The following TMCC1 variants were observed in gnomAD, a reference collection of about 807,000 sequenced individuals.
TMCC1 encodes the protein transmembrane and coiled-coil domain family 1.
Under a neutral mutation model 52.4 loss-of-function variants are expected in TMCC1, and 15 were observed. That is an observed-to-expected ratio of 0.29 (90% CI 0.19 to 0.44). The LOEUF (loss-of-function observed/expected upper bound fraction) is 0.44. Ranked by LOEUF, TMCC1 falls within the 20% of genes least tolerant of loss-of-function variation. The pLI, the probability that TMCC1 is intolerant of heterozygous loss-of-function variation, is 1.00. For synonymous variants in TMCC1, 279 were observed against 301.9 expected (o/e 0.92, Z 0.79); for missense variants, 503 against 806.0 (o/e 0.62, Z 4.55).
intron 4 of TMCC1, among the ~76,000 whole-genome samples, chr3:129,826,508 C>CA (rs907993553): frequency 3.3e-5 from 5 of 151,018 alleles, no homozygotes; most frequent in African/African-American, 4.9e-5. Context: ...ACCCTGTCTC[C>CA]AAAAAAAATA....
At chr3:129,762,103 C>A (rs924620601) in intron 4 of TMCC1, among the ~76,000 whole-genome samples, 29 of 143,198 alleles carry the variant, frequency 2.0e-4, no homozygotes, top group African/African-American at 7.5e-4. Flanking sequence ...GTGGTGTGAT[C>A]TTGGCTCACT....
chr3:129,654,933 G>A, intron 6 of TMCC1, 35 bp downstream of exon 6: 1 of 1,605,068 alleles, frequency 6.2e-7, no homozygotes, highest in Non-Finnish European at 8.5e-7. Flanking sequence ...TAACCCTACT[G>A]TATTTTGCAT....
At chr3:129,885,130 C>T (rs1447071433) in intron 1 of TMCC1, among the ~76,000 whole-genome samples, 1 of 151,718 alleles carries the variant, frequency 6.6e-6, no homozygotes, top group Non-Finnish European at 1.5e-5. Flanking sequence ...CAAAGTGAGA[C>T]CCTGTTTCTA....
chr3:129,841,373 C>T (rs768191906), intron 2 of TMCC1, among the ~76,000 whole-genome samples: 6 of 152,238 alleles, frequency 3.9e-5, no homozygotes, highest in South Asian at 2.1e-4. Context: ...GATCACCTGA[C>T]GTCAGAAGTT....
chr3:129,664,329 T>C (rs1363579503), intron 5 of TMCC1, among the ~76,000 whole-genome samples: 1 of 152,218 alleles, frequency 6.6e-6, no homozygotes, highest in Non-Finnish European at 1.5e-5. Context: ...CATTGGGTTA[T>C]GTCCAATGAT....
intron 4 of TMCC1, among the ~76,000 whole-genome samples, chr3:129,730,709 G>A (rs1213815743): frequency 6.6e-6 from 1 of 152,122 alleles, no homozygotes; most frequent in Non-Finnish European, 1.5e-5. Context: ...TGAGATTTCT[G>A]ATTGGAATTG....
intron 4 of TMCC1, among the ~76,000 whole-genome samples, chr3:129,727,862 G>C (rs1183636517): frequency 4.6e-5 from 7 of 152,198 alleles, no homozygotes; most frequent in African/African-American, 1.7e-4. Flanking sequence ...TGCAAACAGA[G>C]ACTTGTTAAG....
chr3:129,694,918 G>C (rs758503113), intron 4 of TMCC1, among the ~76,000 whole-genome samples: 1 of 151,876 alleles, frequency 6.6e-6, no homozygotes, highest in African/African-American at 2.4e-5. Context: ...CTCTCTTGGG[G>C]TTTGGATTGG....
intron 4 of TMCC1, among the ~76,000 whole-genome samples, chr3:129,787,670 G>C (rs545911807): frequency 6.6e-6 from 1 of 152,236 alleles, no homozygotes; most frequent in Admixed American, 6.5e-5. Flanking sequence ...CTTTATCAAT[G>C]ATTCCCAAAA....
At chr3:129,708,135 C>A (rs2048383831) in intron 4 of TMCC1, among the ~76,000 whole-genome samples, 1 of 152,058 alleles carries the variant, frequency 6.6e-6, no homozygotes, top group Admixed American at 6.6e-5. Flanking sequence ...TCTTTAGTAT[C>A]TTTTTATAAA....
intron 1 of TMCC1, among the ~76,000 whole-genome samples, chr3:129,886,228 G>A (rs955306896): frequency 6.6e-6 from 1 of 152,064 alleles, no homozygotes; most frequent in Non-Finnish European, 1.5e-5. Flanking sequence ...TACCCTATCT[G>A]GACCAAAATT....
At chr3:129,802,699 T>G (rs911909569) in intron 4 of TMCC1, among the ~76,000 whole-genome samples, 1 of 152,188 alleles carries the variant, frequency 6.6e-6, no homozygotes, top group African/African-American at 2.4e-5. Flanking sequence ...GGAGGAAAAC[T>G]TGTGGCATGT....
intron 2 of TMCC1, among the ~76,000 whole-genome samples, chr3:129,871,804 C>G (rs564911315): frequency 1.3e-5 from 2 of 152,224 alleles, no homozygotes; most frequent in African/African-American, 4.8e-5. Context: ...CAAAGTCTAA[C>G]ATGGACAGCC....
chr3:129,807,370 A>T (rs1280953649), intron 4 of TMCC1, among the ~76,000 whole-genome samples: 1 of 152,202 alleles, frequency 6.6e-6, no homozygotes, highest in African/African-American at 2.4e-5. Context: ...AATACAGAAT[A>T]TAAAAATATT....
chr3:129,710,240 T>C (rs552085823), intron 4 of TMCC1, among the ~76,000 whole-genome samples: 15 of 152,212 alleles, frequency 9.9e-5, no homozygotes, highest in South Asian at 8.3e-4. Flanking sequence ...ACTAAAAAGA[T>C]CTGCTTCCAG....
intron 4 of TMCC1, among the ~76,000 whole-genome samples, chr3:129,718,746 AAC>A (rs1343127010): frequency 6.6e-6 from 1 of 152,210 alleles, no homozygotes; most frequent in Non-Finnish European, 1.5e-5. Context: ...AAATTAAAAT[AAC>A]ATTTTCCTTA....
chr3:129,681,645 C>T (rs919970878), intron 4 of TMCC1, among the ~76,000 whole-genome samples: 1 of 152,066 alleles, frequency 6.6e-6, no homozygotes, highest in East Asian at 1.9e-4. Context: ...CAGTGGCTCA[C>T]GTCTGTAATC....
intron 5 of TMCC1, among the ~76,000 whole-genome samples, chr3:129,659,986 A>G (rs1031032032): frequency 1.3e-5 from 2 of 152,234 alleles, no homozygotes; most frequent in African/African-American, 2.4e-5. Context: ...TGAGACAGAT[A>G]TATCACAAAT....
In TMCC1 at chr3:129,817,716, C is replaced by A. The variant is rs539405258; in HGVS notation, c.576+10087G>T. ...AGACTGGAGTGCAGTGGTGAGATCT[C>A]TGCTCACTGCAACCTCCACCTCCTG... On this transcript the variant is annotated intron_variant, in intron 4 of 6. Coordinates refer to ENST00000393238, the MANE Select transcript of TMCC1 (RefSeq NM_001017395.5). 2.0e-5 allele frequency among the ~76,000 whole-genome samples: 3 copies of A among 152,096 alleles called. No individual in the cohort carries two copies. The South Asian group carries it at 6.2e-4, about 32-fold the overall frequency.
Sources: allele counts gnomAD v4.1 joint callset (sites outside exome capture counted in the v4.1 genomes callset), GRCh38; gene constraint gnomAD v4.1.1; transcripts MANE v1.5; gene names NCBI Gene and HGNC (gene_info 2026-07-23, HGNC 2026-07-21).